Variants in FGF14 observed in about 807,000 individuals in gnomAD.
FGF14 encodes fibroblast growth factor homologous factor 4.
In FGF14, 5 loss-of-function variants were observed where a neutral mutation model predicts 25.5. That is an observed-to-expected ratio of 0.20 (90% CI 0.10 to 0.41). The LOEUF is 0.41. Ranked by LOEUF, FGF14 falls within the 10% of genes least tolerant of loss-of-function variation. The pLI is 1.00. For missense variants in FGF14, 222 were observed against 320.1 expected, an observed-to-expected ratio of 0.69 and a Z score of 2.34; for synonymous variants, 138 against 118.3, an observed-to-expected ratio of 1.17 and a Z score of -1.08.
chr13:102,354,600 TC>T (rs1485006386), intron 1 of FGF14, among the ~76,000 whole-genome samples: 1 of 152,202 alleles, frequency 6.6e-6, no homozygotes, highest in Non-Finnish European at 1.5e-5. Flanking sequence ...CGTGTCATCA[TC>T]TTGAGGCCCA....
intron 1 of FGF14, among the ~76,000 whole-genome samples, chr13:101,992,264 A>C (rs1183579754): frequency 6.6e-6 from 1 of 152,128 alleles, no homozygotes; most frequent in African/African-American, 2.4e-5. Flanking sequence ...GACAAAAATA[A>C]GGCCAGTCAC....
chr13:101,809,786 G>T (rs1364871077), intron 3 of FGF14, among the ~76,000 whole-genome samples: 4 of 152,074 alleles, frequency 2.6e-5, no homozygotes, highest in African/African-American at 9.7e-5. Context: ...ATTGATAGAT[G>T]TCAACCCAGC....
intron 3 of FGF14, among the ~76,000 whole-genome samples, chr13:101,824,427 C>G (rs2042305307): frequency 6.6e-6 from 1 of 152,158 alleles, no homozygotes. Context: ...GCCATAGACT[C>G]TGCATTGATT....
At chr13:102,294,836 C>T (rs2054615971) in intron 1 of FGF14, among the ~76,000 whole-genome samples, 1 of 152,170 alleles carries the variant, frequency 6.6e-6, no homozygotes, top group Admixed American at 6.5e-5. Flanking sequence ...ACGGCTCTCT[C>T]AGTGCCTCAG....
intron 1 of FGF14, among the ~76,000 whole-genome samples, chr13:101,940,045 C>T (rs2035344661): frequency 6.6e-6 from 1 of 152,192 alleles, no homozygotes; most frequent in Non-Finnish European, 1.5e-5. Context: ...TTCTCCTTAA[C>T]TGGCAAAATG....
chr13:101,970,186 C>T (rs1218562457), intron 1 of FGF14, among the ~76,000 whole-genome samples: 13 of 152,194 alleles, frequency 8.5e-5, no homozygotes, highest in Non-Finnish European at 1.3e-4. Flanking sequence ...TTTACAGAGA[C>T]AATACACAGG....
chr13:102,064,778 A>AT (rs926103980), intron 1 of FGF14, among the ~76,000 whole-genome samples: 1 of 151,924 alleles, frequency 6.6e-6, no homozygotes, highest in Non-Finnish European at 1.5e-5. Flanking sequence ...AAGTGTGTAT[A>AT]TTGTGTTAGG....
At chr13:102,006,916 T>C (rs1183664720) in intron 1 of FGF14, among the ~76,000 whole-genome samples, 2 of 150,724 alleles carry the variant, frequency 1.3e-5, no homozygotes, top group Non-Finnish European at 3.0e-5. Flanking sequence ...GGCTAATTTT[T>C]TGTATTTTTA....
intron 1 of FGF14, among the ~76,000 whole-genome samples, chr13:102,129,385 C>G (rs185613362): frequency 9.5e-4 from 145 of 152,254 alleles, no homozygotes; most frequent in Middle Eastern, 3.4e-3. Flanking sequence ...TGATGTGATA[C>G]AGTTTTACAT....
chr13:102,183,046 A>T (rs2048738598), intron 1 of FGF14, among the ~76,000 whole-genome samples: 1 of 152,140 alleles, frequency 6.6e-6, no homozygotes, highest in Non-Finnish European at 1.5e-5. Context: ...AAGCAAGCCC[A>T]CTCATCCCAG....
intron 1 of FGF14, among the ~76,000 whole-genome samples, chr13:102,353,567 G>A (rs2057345876): frequency 6.6e-6 from 1 of 152,124 alleles, no homozygotes; most frequent in Admixed American, 6.6e-5. Context: ...TGTAATTCAA[G>A]CTTCCTTTTC....
In FGF14 at chr13:102,135,056, C is replaced by A. The variant is rs1421558990; in HGVS notation, c.209-259760G>T. On this transcript the variant is annotated intron_variant, in intron 1 of 4. Coordinates refer to the FGF14 transcript ENST00000376131. ...ACACACACACACACACACACACACA[C>A]ACACAAATCCGCGTGGTGGTGTGCA... Among the ~76,000 whole-genome samples, 100 of 137,636 alleles carry A rather than the reference C, an allele frequency of 7.3e-4. 1 individual carries two copies. The highest frequency in any genetic ancestry group is 2.8e-3 in the African/African-American group (87 of 30,686). The allele number at this position is 137,636 out of a possible 152,430, so 90.3% of individuals were successfully genotyped here.
intron 1 of FGF14, among the ~76,000 whole-genome samples, chr13:101,993,754 T>C (rs1355978144): frequency 1.3e-5 from 2 of 151,774 alleles, no homozygotes; most frequent in Non-Finnish European, 2.9e-5. Flanking sequence ...GGATGCTCAA[T>C]TAGAACCAGA....
intron 1 of FGF14, among the ~76,000 whole-genome samples, chr13:102,186,888 A>G (rs975235160): frequency 7.9e-5 from 12 of 152,180 alleles, no homozygotes; most frequent in Non-Finnish European, 1.6e-4. Context: ...TTATACATGT[A>G]GTGCACATAC....
intron 3 of FGF14, among the ~76,000 whole-genome samples, chr13:101,812,632 TA>T (rs2041599035): frequency 2.3e-3 from 29 of 12,854 alleles, no homozygotes; most frequent in African/African-American, 6.2e-3. Flanking sequence ...TATATATATA[TA>T]TATATATATA....
intron 1 of FGF14, among the ~76,000 whole-genome samples, chr13:102,231,238 G>A (rs911664436): frequency 3.3e-5 from 5 of 152,058 alleles, no homozygotes; most frequent in Admixed American, 2.0e-4. Flanking sequence ...CTGTTTACAC[G>A]GAACAGCAGG....
intron 3 of FGF14, among the ~76,000 whole-genome samples, chr13:101,776,374 C>T (rs1327871476): frequency 6.6e-6 from 1 of 152,198 alleles, no homozygotes; most frequent in African/African-American, 2.4e-5. Context: ...CATTAGGATG[C>T]ATTTCTCAAG....
chr13:102,160,620 TCAGTCGGCTTTGGGAAGATAAAAA>T (rs2047579819), intron 1 of FGF14, among the ~76,000 whole-genome samples: 1 of 151,892 alleles, frequency 6.6e-6, no homozygotes, highest in Non-Finnish European at 1.5e-5. Context: ...GGAACACCAC[TCAGTCGGCTTTGGGAAGATAAAAA>T]CATGTTCCAC....
intron 1 of FGF14, among the ~76,000 whole-genome samples, chr13:102,051,592 A>C (rs2042218108): frequency 6.6e-6 from 1 of 152,180 alleles, no homozygotes; most frequent in Non-Finnish European, 1.5e-5. Flanking sequence ...ACCAGTGCTC[A>C]CTACCACTAT....
Sources: allele counts gnomAD v4.1 joint callset (sites outside exome capture counted in the v4.1 genomes callset), GRCh38; gene constraint gnomAD v4.1.1; transcripts MANE v1.5; gene names NCBI Gene and HGNC (gene_info 2026-07-23, HGNC 2026-07-21).